Variants in PLCG2 observed in about 807,000 individuals in gnomAD.
The protein encoded by PLCG2 is phospholipase C gamma 2.
In PLCG2, 69 loss-of-function variants were observed where a neutral mutation model predicts 175.6. The observed-to-expected ratio is 0.39, with a 90% CI of 0.32 to 0.48. The LOEUF (loss-of-function observed/expected upper bound fraction) is 0.48, where lower values mean the gene tolerates loss of function less well. Among genes scored for constraint, PLCG2 ranks in the 20% least tolerant of loss-of-function variants. The probability of loss-of-function intolerance (pLI) is 0.91; values close to 1 mark genes in which losing one functional copy is unlikely to be tolerated. For missense variants in PLCG2, 1,798 were observed against 1,650.9 expected, an observed-to-expected ratio of 1.09 and a Z score of -1.54; for synonymous variants, 827 against 624.0, an observed-to-expected ratio of 1.33 and a Z score of -4.85.
chr16:81,829,628 G>A (rs774980495), intron 2 of PLCG2, among the ~76,000 whole-genome samples: 6 of 152,288 alleles, frequency 3.9e-5, no homozygotes, highest in Non-Finnish European at 7.4e-5. Context: ...GTTTCTCCTC[G>A]TATGTTCTCC....
chr16:81,877,741 G>A (rs1016063894), intron 7 of PLCG2, among the ~76,000 whole-genome samples: 3 of 152,144 alleles, frequency 2.0e-5, no homozygotes, highest in South Asian at 4.1e-4. Context: ...TCGGCATGTA[G>A]GCGTCATCGC....
At position 81,962,309 on chromosome 16, in the gene PLCG2, A is replaced by G. The variant is rs1170049960; in HGVS notation, c.*4311A>G. ...CATTTAACTTTTTGAACCCAACCGT[A>G]AAAGCTATCTTCTAACCAACAAAAA... On this transcript the variant is annotated 3_prime_UTR_variant, in exon 33 of 33. Transcript: ENST00000564138. The G allele has an allele frequency of 5.0e-6, 1 of 201,522 alleles. No individual in the cohort carries two copies. Among genetic ancestry groups the G allele is most frequent in the Non-Finnish European group, 1.0e-5 (1 of 98,102 alleles). 12.5% of individuals were successfully genotyped at this position (201,522 alleles called of 1,614,324 possible). A position where few individuals can be genotyped will look rare whatever the true frequency, so the allele number is the denominator to read the frequency against.
chr16:81,958,749 G>C lies in PLCG2; in HGVS notation c.*751G>C, dbSNP rs184395773. On this transcript the variant is annotated 3_prime_UTR_variant, in exon 33 of 33. Transcript: ENST00000564138. Reference sequence around the variant, plus strand: ...CTTGCCCCTGGCTCTGCCAGCTGCTGGGAGGCTCTGGCCCCACTAGTCCCT... The same window carrying C: ...CTTGCCCCTGGCTCTGCCAGCTGCTCGGAGGCTCTGGCCCCACTAGTCCCT... 1 of 221,266 alleles carries C rather than the reference G, an allele frequency of 4.5e-6. No individual in the cohort carries two copies. Among genetic ancestry groups the C allele is most frequent in the Non-Finnish European group, 9.0e-6 (1 of 110,566 alleles). 13.7% of individuals were successfully genotyped at this position (221,266 alleles called of 1,614,324 possible).
chr16:81,957,848 C>A (rs1470577064), intron 32 of PLCG2, 108 bp from the exon 33 acceptor site: 7 of 957,606 alleles, frequency 7.3e-6, no homozygotes, highest in Non-Finnish European at 1.2e-5. Context: ...CCTATACCAT[C>A]CAGCTATGAA....
chr16:81,785,788 C>T (rs1259978818), intron 1 of PLCG2, 155 bp from the exon 2 acceptor site: 2 of 559,818 alleles, frequency 3.6e-6, no homozygotes, highest in South Asian at 2.1e-5. Context: ...TGCCTTAGCT[C>T]TCTGAGTGGC....
intron 19 of PLCG2, among the ~76,000 whole-genome samples, chr16:81,914,942 C>G (rs1195057504): frequency 6.6e-6 from 1 of 152,150 alleles, no homozygotes; most frequent in Non-Finnish European, 1.5e-5. Context: ...TTGAACTTCC[C>G]TGGTCTCTAC....
chr16:81,771,515 C>T (rs1910281004), intron 2 of PLCG2, among the ~76,000 whole-genome samples: 2 of 152,304 alleles, frequency 1.3e-5, no homozygotes, highest in Admixed American at 1.3e-4. Flanking sequence ...CTTCGCAGCT[C>T]CATGAGGCAG....
chr16:81,883,460 T>C (rs1716533634), intron 9 of PLCG2, 119 bp downstream of exon 9: 1 of 731,524 alleles, frequency 1.4e-6, no homozygotes, highest in Non-Finnish European at 2.4e-6. Flanking sequence ...CCACCTGTGC[T>C]CACCTGGCCA....
chr16:81,792,239 T>C (rs1424811778), intron 2 of PLCG2, among the ~76,000 whole-genome samples: 3 of 151,818 alleles, frequency 2.0e-5, no homozygotes, highest in Non-Finnish European at 4.4e-5. Flanking sequence ...CCCAGGACTT[T>C]GGGAGGCCAA....
chr16:81,877,009 G>C (rs960810561), intron 7 of PLCG2, among the ~76,000 whole-genome samples: 1 of 152,178 alleles, frequency 6.6e-6, no homozygotes, highest in Non-Finnish European at 1.5e-5. Context: ...GCCTCCCTGG[G>C]CCTGTTTCTT....
intron 2 of PLCG2, among the ~76,000 whole-genome samples, chr16:81,815,781 C>T (rs961129346): frequency 1.3e-5 from 2 of 152,176 alleles, no homozygotes; most frequent in African/African-American, 4.8e-5. Context: ...TCTTAAATGA[C>T]CAGACACAGT....
chr16:81,744,313 C>T (rs918519330), intron 1 of PLCG2, among the ~76,000 whole-genome samples: 12 of 151,498 alleles, frequency 7.9e-5, no homozygotes, highest in Non-Finnish European at 1.5e-4. Context: ...TACAGGTGCC[C>T]GCCACCAAGC....
At position 81,938,801 on chromosome 16, in the gene PLCG2, G is replaced by C. The variant is rs1910820923; in HGVS notation, c.3199G>C (p.Val1067Leu). 6.2e-7 allele frequency: 1 copy of C among 1,602,266 alleles called. No individual in the cohort carries two copies. Among genetic ancestry groups the C allele is most frequent in the Non-Finnish European group, 8.5e-7 (1 of 1,171,418 alleles). The change falls in exon 29 of 33, where the codon GTT becomes CTT. Residue 1067 changes from valine to leucine, a missense_variant and splice_region_variant. Physicochemically the swap from Val to Leu is conservative, Grantham distance 32. Coordinates refer to ENST00000564138, the MANE Select transcript of PLCG2 (RefSeq NM_002661.5). Reference protein sequence around the residue: ...RKILMTLTVKVLGARHLPKLG... With the variant: ...RKILMTLTVKLLGARHLPKLG... Reference sequence around the variant, plus strand: ...CCAATGCTTCCCTTTGGTGTCCCAGGTTCTCGGTGCTCGCCATCTCCCCAA... The same window carrying C: ...CCAATGCTTCCCTTTGGTGTCCCAGCTTCTCGGTGCTCGCCATCTCCCCAA...
chr16:81,897,061 G>T (rs1226374873), intron 13 of PLCG2, among the ~76,000 whole-genome samples: 1 of 152,214 alleles, frequency 6.6e-6, no homozygotes, highest in African/African-American at 2.4e-5. Context: ...TTGCTGAAGT[G>T]CAAAGCAGCC....
intron 2 of PLCG2, among the ~76,000 whole-genome samples, chr16:81,816,043 C>T (rs911013200): frequency 1.5e-5 from 2 of 132,324 alleles, no homozygotes; most frequent in African/African-American, 5.7e-5. Flanking sequence ...GCCTGGGTGA[C>T]AGAGCATGAC....
At chr16:81,752,192 C>A (rs552779187) in intron 1 of PLCG2, among the ~76,000 whole-genome samples, 3 of 152,100 alleles carry the variant, frequency 2.0e-5, no homozygotes, top group Non-Finnish European at 2.9e-5. Flanking sequence ...CCCAACACTG[C>A]GTCTCAGAGT....
At chr16:81,822,336 G>A (rs1904836042) in intron 2 of PLCG2, among the ~76,000 whole-genome samples, 1 of 152,208 alleles carries the variant, frequency 6.6e-6, no homozygotes, top group South Asian at 2.1e-4. Flanking sequence ...CTGCTCCCCG[G>A]AACCTGTGGG....
intron 10 of PLCG2, among the ~76,000 whole-genome samples, chr16:81,891,268 G>C (rs990604623): frequency 2.0e-5 from 3 of 152,118 alleles, no homozygotes; most frequent in Admixed American, 6.6e-5. Flanking sequence ...ATATTGTCTA[G>C]GTCCATGGAA....
At chr16:81,957,534 C>G (rs1911623752) in intron 32 of PLCG2, among the ~76,000 whole-genome samples, 1 of 152,114 alleles carries the variant, frequency 6.6e-6, no homozygotes, top group Non-Finnish European at 1.5e-5. Flanking sequence ...TAGACTGGGT[C>G]AAGATCCCCC....
Sources: gnomAD v4.1 joint callset for allele counts (sites outside exome capture counted in the v4.1 genomes callset) on GRCh38, gnomAD v4.1.1 for gene constraint, MANE v1.5 for transcripts, NCBI Gene and HGNC (gene_info 2026-07-23, HGNC 2026-07-21) for gene names.